The following GRID2 variants were observed in gnomAD, a reference collection of about 807,000 sequenced individuals.
GRID2 encodes glutamate receptor ionotropic, delta-2.
Under a neutral mutation model 114.8 loss-of-function variants are expected in GRID2, and 33 were observed. The observed-to-expected ratio is 0.29, with a 90% CI of 0.22 to 0.38. The LOEUF is 0.38. GRID2 is among the 10% of genes least tolerant of loss of function. The pLI, the probability that GRID2 is intolerant of heterozygous loss-of-function variation, is 1.00. For synonymous variants in GRID2, 505 were observed against 449.9 expected (o/e 1.12, Z -1.55); for missense variants, 1,184 against 1,257.7 (o/e 0.94, Z 0.89).
intron 1 of GRID2, among the ~76,000 whole-genome samples, chr4:92,394,677 C>G (rs1299193869): frequency 6.6e-6 from 1 of 151,826 alleles, no homozygotes; most frequent in Non-Finnish European, 1.5e-5. Context: ...AAAATTTATT[C>G]AGTTTCTATG....
chr4:93,154,132 T>A (rs1409424908), intron 4 of GRID2, among the ~76,000 whole-genome samples: 1 of 152,078 alleles, frequency 6.6e-6, no homozygotes, highest in African/African-American at 2.4e-5. Context: ...TTTAGGAAAA[T>A]AATAATTGAA....
chr4:92,552,220 A>G (rs910147468), intron 1 of GRID2, among the ~76,000 whole-genome samples: 2 of 152,048 alleles, frequency 1.3e-5, no homozygotes, highest in Admixed American at 6.6e-5. Context: ...TGATACTAGA[A>G]TGCAGAATGG....
At chr4:93,692,280 A>G (rs923538942) in intron 14 of GRID2, among the ~76,000 whole-genome samples, 3 of 152,136 alleles carry the variant, frequency 2.0e-5, no homozygotes, top group Non-Finnish European at 4.4e-5. Flanking sequence ...TAACCTGAAG[A>G]AAGTGAGGAA....
At chr4:93,176,149 T>C (rs867033781) in intron 4 of GRID2, among the ~76,000 whole-genome samples, 1 of 152,228 alleles carries the variant, frequency 6.6e-6, no homozygotes, top group Non-Finnish European at 1.5e-5. Flanking sequence ...TTGATTTTTT[T>C]AAAAAGAAAT....
chr4:93,520,200 C>T (rs1336726277), intron 13 of GRID2, among the ~76,000 whole-genome samples: 2 of 152,050 alleles, frequency 1.3e-5, no homozygotes, highest in Admixed American at 1.3e-4. Context: ...CTATTGTTTC[C>T]AAGTCTCTGT....
chr4:92,405,424 TA>T, intron 1 of GRID2, among the ~76,000 whole-genome samples: 2 of 152,290 alleles, frequency 1.3e-5, no homozygotes, highest in South Asian at 4.1e-4. Context: ...AACAACCATG[TA>T]AATTTTTATG....
chr4:92,851,225 A>G (rs1490116315), intron 2 of GRID2, among the ~76,000 whole-genome samples: 1 of 151,974 alleles, frequency 6.6e-6, no homozygotes, highest in Non-Finnish European at 1.5e-5. Flanking sequence ...TACTTTAAAT[A>G]AAAATTTAGC....
At chr4:92,354,015 G>A (rs1002259060) in intron 1 of GRID2, among the ~76,000 whole-genome samples, 1 of 151,974 alleles carries the variant, frequency 6.6e-6, no homozygotes, top group African/African-American at 2.4e-5. Flanking sequence ...CTTTTCCAAT[G>A]TGAGTTCCGA....
intron 10 of GRID2, among the ~76,000 whole-genome samples, chr4:93,430,194 A>T (rs1443469498): frequency 1.3e-5 from 2 of 152,026 alleles, no homozygotes; most frequent in Non-Finnish European, 2.9e-5. Context: ...TTATTTATTT[A>T]TTTAGAGATG....
intron 8 of GRID2, among the ~76,000 whole-genome samples, chr4:93,377,447 G>A (rs1763478445): frequency 1.3e-5 from 2 of 152,066 alleles, no homozygotes; most frequent in South Asian, 4.2e-4. Context: ...AGGAGAGCAG[G>A]CTCTGGTTGA....
intron 4 of GRID2, among the ~76,000 whole-genome samples, chr4:93,115,705 G>A (rs1284180293): frequency 2.6e-5 from 4 of 152,096 alleles, no homozygotes; most frequent in Admixed American, 2.0e-4. Flanking sequence ...GAAGGTGAAA[G>A]GTATGTCTTA....
chr4:92,345,724 A>T (rs1056049166), intron 1 of GRID2, among the ~76,000 whole-genome samples: 1 of 152,172 alleles, frequency 6.6e-6, no homozygotes, highest in African/African-American at 2.4e-5. Flanking sequence ...CAGTTTCTGG[A>T]TATCTTCTGC....
At chr4:92,657,366 C>T (rs1056609735) in intron 2 of GRID2, among the ~76,000 whole-genome samples, 1 of 151,520 alleles carries the variant, frequency 6.6e-6, no homozygotes, top group African/African-American at 2.4e-5. Context: ...TAAATTCAAG[C>T]TGAATTTGAT....
chr4:92,838,713 T>G (rs1458411151), intron 2 of GRID2: 1 of 152,084 alleles, frequency 6.6e-6, no homozygotes, highest in Non-Finnish European at 1.5e-5. Flanking sequence ...CATAAAGCAT[T>G]AGACTGTTAC....
At chr4:92,318,957 G>C (rs28520229) in intron 1 of GRID2, among the ~76,000 whole-genome samples, 11 of 152,114 alleles carry the variant, frequency 7.2e-5, no homozygotes, top group Non-Finnish European at 1.5e-5. Context: ...AAAGAGAAGA[G>C]AGGAAGGAAT....
Position 93,220,510 on chromosome 4 carries a change from T to C in GRID2, c.963+3599T>C, listed in dbSNP as rs1202728846. ...TTAAAAGTTATAACATTTGTGTATA[T>C]ACAATTAAAAGTAATACTTCAAATT... is the stretch of plus-strand genomic sequence containing the variant. On this transcript the variant is annotated intron_variant, in intron 6 of 15. Coordinates refer to ENST00000282020, the MANE Select transcript of GRID2 (RefSeq NM_001510.4). Among the ~76,000 whole-genome samples the C allele has an allele frequency of 3.3e-5, 5 of 152,178 alleles. No homozygotes were observed. The East Asian group carries it at 9.6e-4, about 29-fold the overall frequency.
intron 14 of GRID2, among the ~76,000 whole-genome samples, chr4:93,637,564 G>A (rs1721526253): frequency 6.6e-6 from 1 of 152,122 alleles, no homozygotes; most frequent in Admixed American, 6.6e-5. Flanking sequence ...GGGCATTTTA[G>A]TTTAAATGAA....
At chr4:93,495,624 G>A (rs537137736) in intron 12 of GRID2, among the ~76,000 whole-genome samples, 1 of 151,824 alleles carries the variant, frequency 6.6e-6, no homozygotes, top group South Asian at 2.1e-4. Context: ...AGGACATGTG[G>A]GAGAGAGAAA....
chr4:92,658,818 T>TATATATATAC (rs1177514487), intron 2 of GRID2, among the ~76,000 whole-genome samples: 8 of 60,484 alleles, frequency 1.3e-4, no homozygotes, highest in African/African-American at 3.9e-4. Context: ...TATATATATA[T>TATATATATAC]ACACACACAC....
Sources: gnomAD v4.1 joint callset for allele counts (sites outside exome capture counted in the v4.1 genomes callset) on GRCh38, gnomAD v4.1.1 for gene constraint, MANE v1.5 for transcripts, NCBI Gene and HGNC (gene_info 2026-07-23, HGNC 2026-07-21) for gene names.